KCNK2: variants seen among roughly 807,000 people sequenced by gnomAD.
KCNK2 encodes the protein potassium channel subfamily K member 2.
A neutral mutation model predicts 40.5 loss-of-function variants in KCNK2; 21 were observed. That is an observed-to-expected ratio of 0.52 (90% confidence interval 0.37 to 0.75). The LOEUF (loss-of-function observed/expected upper bound fraction) is 0.75. KCNK2 is among the 30% of genes least tolerant of loss of function. KCNK2 has a pLI of 0.00. For synonymous variants in KCNK2, 191 were observed against 202.2 expected, an observed-to-expected ratio of 0.94 and a Z score of 0.47; for missense variants, 399 against 531.6, an observed-to-expected ratio of 0.75 and a Z score of 2.45.
chr1:215,063,417 A>G (rs1190781433), intron 1 of KCNK2, among the ~76,000 whole-genome samples: 1 of 152,154 alleles, frequency 6.6e-6, no homozygotes, highest in African/African-American at 2.4e-5. Flanking sequence ...ACCCAGGTGA[A>G]CAGGATGAGG....
At chr1:215,118,375 CTT>C (rs930941222) in intron 2 of KCNK2, among the ~76,000 whole-genome samples, 1 of 152,130 alleles carries the variant, frequency 6.6e-6, no homozygotes, top group Non-Finnish European at 1.5e-5. Flanking sequence ...CCCACAAAGT[CTT>C]TTGGCAATGA....
At chr1:215,057,790 T>G (rs1230510926) in intron 1 of KCNK2, among the ~76,000 whole-genome samples, 1 of 152,032 alleles carries the variant, frequency 6.6e-6, no homozygotes, top group Non-Finnish European at 1.5e-5. Flanking sequence ...GTTTGCACAT[T>G]TTGGCTTTGC....
At chr1:215,161,329 A>G (rs943383333) in intron 3 of KCNK2, among the ~76,000 whole-genome samples, 2 of 151,908 alleles carry the variant, frequency 1.3e-5, no homozygotes, top group African/African-American at 4.8e-5. Context: ...AAGAACTTAC[A>G]TGTATTGTTC....
intron 1 of KCNK2, among the ~76,000 whole-genome samples, chr1:215,062,288 CA>C (rs948286302): frequency 2.0e-5 from 3 of 152,048 alleles, no homozygotes; most frequent in African/African-American, 7.2e-5. Flanking sequence ...GGGCAGCAAA[CA>C]AAGGCAGTCA....
At chr1:215,228,654 G>A (rs1347245260) in intron 6 of KCNK2, among the ~76,000 whole-genome samples, 1 of 152,072 alleles carries the variant, frequency 6.6e-6, no homozygotes, top group Non-Finnish European at 1.5e-5. Flanking sequence ...GTCATAGGAA[G>A]ATGAAACACT....
intron 1 of KCNK2, among the ~76,000 whole-genome samples, chr1:215,061,476 T>C (rs1658358973): frequency 6.6e-6 from 1 of 152,128 alleles, no homozygotes; most frequent in Non-Finnish European, 1.5e-5. Flanking sequence ...AATAAGACTA[T>C]CACATGTTTC....
intron 1 of KCNK2, among the ~76,000 whole-genome samples, chr1:215,043,495 T>C (rs941844788): frequency 6.6e-6 from 1 of 152,192 alleles, no homozygotes; most frequent in Non-Finnish European, 1.5e-5. Flanking sequence ...ACACATACTA[T>C]GACATTGATG....
At chr1:215,130,966 T>C (rs2102589011) in intron 3 of KCNK2, among the ~76,000 whole-genome samples, 1 of 151,788 alleles carries the variant, frequency 6.6e-6, no homozygotes, top group East Asian at 1.9e-4. Flanking sequence ...GTTCACGCCA[T>C]TCTCCTGCCT....
chr1:215,151,395 G>A (rs1311593246), intron 3 of KCNK2, among the ~76,000 whole-genome samples: 1 of 151,944 alleles, frequency 6.6e-6, no homozygotes, highest in Non-Finnish European at 1.5e-5. Context: ...TTTTGGATTG[G>A]TCTGCCTCTC....
chr1:215,180,304 GT>G (rs2102648054), intron 5 of KCNK2, among the ~76,000 whole-genome samples: 1 of 152,176 alleles, frequency 6.6e-6, no homozygotes, highest in African/African-American at 2.4e-5. Flanking sequence ...CTTGGATTGT[GT>G]TTCCAACTTG....
At chr1:215,110,735 C>T (rs891719320) in intron 2 of KCNK2, among the ~76,000 whole-genome samples, 3 of 122,560 alleles carry the variant, frequency 2.4e-5, no homozygotes, top group Non-Finnish European at 5.8e-5. Flanking sequence ...GCAGTGATTT[C>T]CCATATATTC....
intron 3 of KCNK2, among the ~76,000 whole-genome samples, chr1:215,162,904 T>C (rs1193813924): frequency 3.3e-5 from 5 of 151,814 alleles, no homozygotes; most frequent in Non-Finnish European, 7.4e-5. Flanking sequence ...TCGTCTTGGC[T>C]ATATGGGCTT....
At chr1:215,161,084 T>C (rs943309935) in intron 3 of KCNK2, among the ~76,000 whole-genome samples, 2 of 152,186 alleles carry the variant, frequency 1.3e-5, no homozygotes, top group African/African-American at 4.8e-5. Context: ...TCTATAAACA[T>C]CTTCCTCTTT....
chr1:215,048,078 C>T (rs1399418619), intron 1 of KCNK2, among the ~76,000 whole-genome samples: 1 of 152,110 alleles, frequency 6.6e-6, no homozygotes, highest in African/African-American at 2.4e-5. Flanking sequence ...ACTTGACAGG[C>T]CTTCAAAGAT....
intron 5 of KCNK2, among the ~76,000 whole-genome samples, chr1:215,181,407 G>A (rs1664209857): frequency 6.6e-6 from 1 of 152,108 alleles, no homozygotes; most frequent in African/African-American, 2.4e-5. Context: ...GTGATCCTTA[G>A]GTGGTGTCAC....
In KCNK2 at chr1:215,111,353, T is replaced by C. The variant is rs115398089; in HGVS notation, c.358-13280T>C. On this transcript the variant is annotated intron_variant, in intron 2 of 6. Transcript: ENST00000444842. ...TCACCATTGAGTATAATGTTAACTGTAGGGTGTTATATATGACTATTATTT... is the reference window on the plus strand; with the variant it reads ...TCACCATTGAGTATAATGTTAACTGCAGGGTGTTATATATGACTATTATTT... 2.4e-3 allele frequency among the ~76,000 whole-genome samples: 366 copies of C among 152,256 alleles called. 2 individuals carry two copies. The highest frequency in any genetic ancestry group is 8.4e-3 in the African/African-American group (350 of 41,572).
At chr1:215,012,893 T>G (rs1656457691) in intron 1 of KCNK2, among the ~76,000 whole-genome samples, 1 of 152,090 alleles carries the variant, frequency 6.6e-6, no homozygotes, top group South Asian at 2.1e-4. Context: ...GAACAATTGA[T>G]GAACTTTTTT....
At chr1:215,053,313 G>C (rs1658052323) in intron 1 of KCNK2, among the ~76,000 whole-genome samples, 2 of 152,120 alleles carry the variant, frequency 1.3e-5, no homozygotes, top group African/African-American at 4.8e-5. Context: ...TCTTCCCTAG[G>C]TATTCTGGGT....
In KCNK2 at chr1:215,083,196, C is replaced by T; in HGVS notation, c.-190C>T. On this transcript the variant is annotated 5_prime_UTR_variant, in exon 1 of 7. Coordinates refer to ENST00000444842, the MANE Select transcript of KCNK2 (RefSeq NM_001017425.3). ...CGCGATTTCGTTTCTTCTCACGCTCCCCCCCCCGCCCCCTCCCGCGTCCAG... is the reference window on the plus strand; with the variant it reads ...CGCGATTTCGTTTCTTCTCACGCTCTCCCCCCCGCCCCCTCCCGCGTCCAG... 1 of 447,374 alleles carries T rather than the reference C, an allele frequency of 2.2e-6. No individual in the cohort carries two copies. The highest frequency in any genetic ancestry group is 3.8e-6 in the Non-Finnish European group (1 of 260,848). 27.7% of individuals were successfully genotyped at this position (447,374 alleles called of 1,614,324 possible). A position where few individuals can be genotyped will look rare whatever the true frequency, so the allele number is the denominator to read the frequency against.
Sources: gnomAD v4.1 joint callset for allele counts (sites outside exome capture counted in the v4.1 genomes callset) on GRCh38, gnomAD v4.1.1 for gene constraint, MANE v1.5 for transcripts, NCBI Gene and HGNC (gene_info 2026-07-23, HGNC 2026-07-21) for gene names.